Variants in NEXMIF observed in about 807,000 individuals in gnomAD.
NEXMIF encodes XLMR protein related to neurite extension.
Under a neutral mutation model 62.1 loss-of-function variants are expected in NEXMIF, and 8 were observed. The ratio of observed to expected loss-of-function variants is 0.13; its 90% CI spans 0.08 to 0.23. NEXMIF has a LOEUF of 0.23. NEXMIF is among the 10% of genes least tolerant of loss of function. NEXMIF has a pLI of 1.00. For missense variants in NEXMIF, 976 were observed against 1,113.3 expected (o/e 0.88, Z 1.75); for synonymous variants, 404 against 416.6 (o/e 0.97, Z 0.37).
chrX:74,764,805 G>T (rs1049126658), intron 1 of NEXMIF, among the ~76,000 whole-genome samples: 1 of 111,214 alleles, frequency 9.0e-6, no homozygotes, highest in South Asian at 3.8e-4. Flanking sequence ...ATATGATTTT[G>T]GTTCTTTTGC....
At chrX:74,905,295 G>A (rs1460255519) in intron 1 of NEXMIF, among the ~76,000 whole-genome samples, 2 of 111,168 alleles carry the variant, frequency 1.8e-5, no homozygotes, top group Non-Finnish European at 3.8e-5. Flanking sequence ...TATGGGAAGA[G>A]GGGAGAGGAG....
intron 1 of NEXMIF, among the ~76,000 whole-genome samples, chrX:74,747,762 C>T (rs371746940): frequency 1.5e-4 from 17 of 109,963 alleles, no homozygotes; most frequent in Non-Finnish European, 3.0e-4. Flanking sequence ...TTAACAGGCA[C>T]GCACCACCAT....
intron 1 of NEXMIF, among the ~76,000 whole-genome samples, chrX:74,850,913 G>A (rs992075945): frequency 4.5e-5 from 5 of 110,198 alleles, no homozygotes; most frequent in Non-Finnish European, 9.5e-5. Context: ...TATTAAAAGT[G>A]TTGATATTAA....
chrX:74,811,062 G>C (rs1292756965), intron 1 of NEXMIF, among the ~76,000 whole-genome samples: 1 of 111,570 alleles, frequency 9.0e-6, no homozygotes, highest in Admixed American at 9.6e-5. Flanking sequence ...TATTCTACAA[G>C]AGAGAAAAGT....
At chrX:74,780,917 G>T (rs748857401) in intron 1 of NEXMIF, among the ~76,000 whole-genome samples, 2 of 111,437 alleles carry the variant, frequency 1.8e-5, no homozygotes, top group South Asian at 7.7e-4. Flanking sequence ...CACAGTGGGG[G>T]CCCTGGGGAC....
chrX:74,747,959 G>A (rs373276287), intron 1 of NEXMIF, among the ~76,000 whole-genome samples: 3 of 112,028 alleles, frequency 2.7e-5, no homozygotes, highest in African/African-American at 9.7e-5. Context: ...TATGTCAGGG[G>A]ACATATTAGT....
chrX:74,840,699 T>C (rs1439609535), intron 1 of NEXMIF, among the ~76,000 whole-genome samples: 1 of 112,209 alleles, frequency 8.9e-6, no homozygotes, highest in Admixed American at 9.4e-5. Context: ...CTTCTGTATA[T>C]GGCTAGCCAG....
At chrX:74,759,855 T>C (rs1312402625) in intron 1 of NEXMIF, among the ~76,000 whole-genome samples, 1 of 112,061 alleles carries the variant, frequency 8.9e-6, no homozygotes, top group African/African-American at 3.2e-5. Flanking sequence ...TTGCTTAGGA[T>C]TGCCTGGGCT....
At chrX:74,773,695 G>A (rs2080218394) in intron 1 of NEXMIF, among the ~76,000 whole-genome samples, 1 of 110,249 alleles carries the variant, frequency 9.1e-6, no homozygotes, top group Non-Finnish European at 1.9e-5. Context: ...ATCACCTAAG[G>A]TCAGGAGTTT....
At chrX:74,825,239 A>T (rs1397911581) in intron 1 of NEXMIF, among the ~76,000 whole-genome samples, 1 of 111,585 alleles carries the variant, frequency 9.0e-6, no homozygotes, top group African/African-American at 3.3e-5. Flanking sequence ...ATTTAAAAAA[A>T]CTTTTACTTT....
chrX:74,809,908 G>A (rs1462081658), intron 1 of NEXMIF, among the ~76,000 whole-genome samples: 1 of 111,659 alleles, frequency 9.0e-6, no homozygotes, highest in African/African-American at 3.3e-5. Flanking sequence ...TAAGAGCTGA[G>A]TAATAAACAG....
In NEXMIF at chrX:74,796,209, T is replaced by TTATATATATATACATATATATTA. The variant is rs2080309082; in HGVS notation, c.-47-50513_-47-50512insTAATATATATGTATATATATATA. Among the ~76,000 whole-genome samples the TTATATATATATACATATATATTA allele has an allele frequency of 9.4e-4, 44 of 46,615 alleles. 2 individuals carry two copies. The highest frequency in any genetic ancestry group is 1.5e-3 in the Non-Finnish European group (39 of 25,777). 40.5% of individuals were successfully genotyped at this position (46,615 alleles called of 115,157 possible). ...TATATATTATATATATACATATATATTATATATATATACATATATAATATA... is the reference window on the plus strand; with the variant it reads ...TATATATTATATATATACATATATATTATATATATATACATATATATTATATATATATATACATATATAATATA... On this transcript the variant is annotated intron_variant, in intron 1 of 3. Transcript: ENST00000055682.
intron 1 of NEXMIF, among the ~76,000 whole-genome samples, chrX:74,868,616 G>A (rs146958776): frequency 0.015 from 1,434 of 97,665 alleles, 37 homozygotes; most frequent in African/African-American, 0.052. Flanking sequence ...ACATGCACTG[G>A]GGCCTGTTGG....
intron 1 of NEXMIF, among the ~76,000 whole-genome samples, chrX:74,815,058 T>C (rs1320053202): frequency 8.9e-6 from 1 of 112,532 alleles, no homozygotes; most frequent in Non-Finnish European, 1.9e-5. Flanking sequence ...ATACATATTC[T>C]TCATAACTCA....
chrX:74,767,985 CTCCAGGTTT>C (rs2147453432), intron 1 of NEXMIF, among the ~76,000 whole-genome samples: 1 of 111,221 alleles, frequency 9.0e-6, no homozygotes, highest in South Asian at 3.9e-4. Flanking sequence ...GGGGTCTAAC[CTCCAGGTTT>C]GCTGGAGTTG....
intron 1 of NEXMIF, among the ~76,000 whole-genome samples, chrX:74,856,627 A>T (rs2080536050): frequency 8.9e-6 from 1 of 111,735 alleles, no homozygotes; most frequent in Admixed American, 9.5e-5. Flanking sequence ...TCTACTGATC[A>T]TCTCTCCTAT....
chrX:74,787,765 C>T (rs145943374), intron 1 of NEXMIF, among the ~76,000 whole-genome samples: 26 of 111,838 alleles, frequency 2.3e-4, no homozygotes, highest in African/African-American at 8.1e-4. Context: ...GATGCAAGGG[C>T]AAGGTTGAAA....
chrX:74,744,920 TTCTCTCTCTCC>T (rs1170314379), intron 2 of NEXMIF, among the ~76,000 whole-genome samples: 2 of 44,621 alleles, frequency 4.5e-5, no homozygotes, highest in African/African-American at 1.2e-4. Context: ...TCTCTCTCTC[TTCTCTCTCTCC>T]TCTCTCTCTC....
chrX:74,876,444 G>T (rs1033802930), intron 1 of NEXMIF, among the ~76,000 whole-genome samples: 1 of 111,294 alleles, frequency 9.0e-6, no homozygotes, highest in African/African-American at 3.3e-5. Flanking sequence ...GTGTAGTGTG[G>T]TGCTGAAAAA....
Sources: allele counts gnomAD v4.1 joint callset (sites outside exome capture counted in the v4.1 genomes callset), GRCh38; gene constraint gnomAD v4.1.1; transcripts MANE v1.5; gene names NCBI Gene and HGNC (gene_info 2026-07-23, HGNC 2026-07-21).